Variants in RBFOX3 observed in about 807,000 individuals in gnomAD.
RBFOX3 encodes the protein RNA binding protein fox-1 homolog 3.
RBFOX3 carries 17 observed loss-of-function variants against 48.7 expected under a neutral mutation model. That is an observed-to-expected ratio of 0.35 (90% confidence interval 0.24 to 0.52). The LOEUF is 0.52. Among genes scored for constraint, RBFOX3 ranks in the 20% least tolerant of loss-of-function variants. The probability of loss-of-function intolerance (pLI) is 0.94; values close to 1 mark genes in which losing one functional copy is unlikely to be tolerated. For synonymous variants in RBFOX3, 212 were observed against 209.5 expected (o/e 1.01, Z -0.10); for missense variants, 382 against 497.5 (o/e 0.77, Z 2.21).
chr17:79,234,067 C>CA (rs2061351899), intron 4 of RBFOX3: 2 of 152,426 alleles, frequency 1.3e-5, no homozygotes, highest in Admixed American at 1.3e-4. Context: ...GTGAGGCCAA[C>CA]ACCCGGCGGC....
chr17:79,371,483 A>C (rs1178098774), intron 2 of RBFOX3, among the ~76,000 whole-genome samples: 2 of 151,830 alleles, frequency 1.3e-5, no homozygotes, highest in Non-Finnish European at 2.9e-5. Context: ...GGCTCCATAG[A>C]CCCCATGCAG....
chr17:79,489,164 C>T (rs890311539), intron 1 of RBFOX3, among the ~76,000 whole-genome samples: 46 of 151,316 alleles, frequency 3.0e-4, no homozygotes, highest in Middle Eastern at 3.4e-3. Context: ...TTACTTTTCT[C>T]CCCAAACTAC....
intron 4 of RBFOX3, among the ~76,000 whole-genome samples, chr17:79,218,749 C>T (rs1241224906): frequency 6.6e-6 from 1 of 152,060 alleles, no homozygotes; most frequent in African/African-American, 2.4e-5. Flanking sequence ...CTGAGGCTGG[C>T]CTTGAAGAAT....
At chr17:79,564,753 G>A (rs1056130427) in intron 1 of RBFOX3, among the ~76,000 whole-genome samples, 1 of 152,180 alleles carries the variant, frequency 6.6e-6, no homozygotes, top group Non-Finnish European at 1.5e-5. Flanking sequence ...TGAAGTGTGT[G>A]GTTGTGGTAG....
intron 3 of RBFOX3, among the ~76,000 whole-genome samples, chr17:79,307,004 G>C (rs559516740): frequency 1.3e-5 from 2 of 152,234 alleles, no homozygotes; most frequent in Admixed American, 6.5e-5. Context: ...TTTCTCTCTT[G>C]GCACTCGGAG....
intron 4 of RBFOX3, among the ~76,000 whole-genome samples, chr17:79,193,245 C>CG (rs1438686433): frequency 6.6e-6 from 1 of 152,082 alleles, no homozygotes; most frequent in Non-Finnish European, 1.5e-5. Context: ...AGATTACGCT[C>CG]GGAAGCCGGG....
chr17:79,493,910 G>C (rs2081067244), intron 1 of RBFOX3, among the ~76,000 whole-genome samples: 1 of 152,136 alleles, frequency 6.6e-6, no homozygotes, highest in Non-Finnish European at 1.5e-5. Flanking sequence ...ACATAGCTGG[G>C]CTGGGGGAGG....
upstream of RBFOX3, among the ~76,000 whole-genome samples, chr17:79,612,226 C>T (rs2093974630): frequency 6.6e-6 from 1 of 152,214 alleles, no homozygotes; most frequent in African/African-American, 2.4e-5. Flanking sequence ...CGAGCCTGCA[C>T]CATCGAAGGA....
chr17:79,187,354 C>T (rs942014641), intron 4 of RBFOX3, among the ~76,000 whole-genome samples: 3 of 152,192 alleles, frequency 2.0e-5, no homozygotes, highest in Non-Finnish European at 2.9e-5. Context: ...TCCCCTGCGC[C>T]GTGAGGACAG....
Position 79,535,471 on chromosome 17 carries a change from C to T in RBFOX3, c.-319-52873G>A, listed in dbSNP as rs1476259377. ...AAGGGGACAGCGGCCTCCAATCTCC[C>T]GATTCCTTTACTCTCCCCTGTTACC... On this transcript the variant is annotated intron_variant, in intron 1 of 14. Coordinates refer to ENST00000693108, the MANE Select transcript of RBFOX3 (RefSeq NM_001350451.2). The surrounding 1 kb of genome is among the most constrained non-coding windows in gnomAD (Gnocchi z 4.5). 2.0e-5 allele frequency among the ~76,000 whole-genome samples: 3 copies of T among 152,258 alleles called. No homozygotes were observed. Among genetic ancestry groups the T allele is most frequent in the South Asian group, 2.1e-4 (1 of 4,826 alleles).
chr17:79,255,188 A>G (rs1329894309), intron 3 of RBFOX3, among the ~76,000 whole-genome samples: 1 of 151,120 alleles, frequency 6.6e-6, no homozygotes, highest in Non-Finnish European at 1.5e-5. Flanking sequence ...AGGACAGAGA[A>G]TGGGAGCTGA....
chr17:79,580,428 C>T (rs2093019644), intron 1 of RBFOX3, among the ~76,000 whole-genome samples: 1 of 152,088 alleles, frequency 6.6e-6, no homozygotes, highest in African/African-American at 2.4e-5. Context: ...CCCAGCCAGA[C>T]AGGCAACCCC....
At chr17:79,223,755 C>T (rs552507544) in intron 4 of RBFOX3, among the ~76,000 whole-genome samples, 1 of 152,192 alleles carries the variant, frequency 6.6e-6, no homozygotes, top group Non-Finnish European at 1.5e-5. Flanking sequence ...GGGCAGCTGT[C>T]CTGGGCCGTC....
At chr17:79,466,074 T>A (rs566916225) in intron 2 of RBFOX3, among the ~76,000 whole-genome samples, 3 of 152,290 alleles carry the variant, frequency 2.0e-5, no homozygotes, top group Admixed American at 6.5e-5. Context: ...AAAGTGCATG[T>A]GTGGAGACAC....
Position 79,513,648 on chromosome 17 carries a change from G to A in RBFOX3, c.-319-31050C>T, listed in dbSNP as rs1041546150. On this transcript the variant is annotated intron_variant, in intron 1 of 14. Transcript: ENST00000693108. ...CACAGCTCTGCCTCTTACCAGCCAC[G>A]TGGCCTCGGGCAGGCTGCATGATCT... 2.0e-4 allele frequency among the ~76,000 whole-genome samples: 30 copies of A among 152,328 alleles called. No individual in the cohort carries two copies. The East Asian group carries it at 2.3e-3, about 12-fold the overall frequency.
At chr17:79,597,431 AAAC>A (rs1431336343) in intron 1 of RBFOX3, among the ~76,000 whole-genome samples, 2 of 152,152 alleles carry the variant, frequency 1.3e-5, no homozygotes, top group Admixed American at 6.5e-5. Context: ...GCACAGGGGA[AAAC>A]AACAAGAGCC....
intron 2 of RBFOX3, among the ~76,000 whole-genome samples, chr17:79,461,381 C>T (rs2075347141): frequency 6.6e-6 from 1 of 152,220 alleles, no homozygotes. Context: ...GTCTTCCATT[C>T]TCCCTGGGAC....
chr17:79,163,572 G>A (rs1450997403), intron 4 of RBFOX3, among the ~76,000 whole-genome samples: 1 of 152,256 alleles, frequency 6.6e-6, no homozygotes, highest in Non-Finnish European at 1.5e-5. Flanking sequence ...CTGGAGGGCA[G>A]GATGGGAACC....
intron 2 of RBFOX3, among the ~76,000 whole-genome samples, chr17:79,338,232 C>A (rs2081504342): frequency 6.6e-6 from 1 of 152,150 alleles, no homozygotes; most frequent in African/African-American, 2.4e-5. Flanking sequence ...AGCCACCGCG[C>A]CTGGCCTTCT....
Sources: gnomAD v4.1 joint callset for allele counts (sites outside exome capture counted in the v4.1 genomes callset) on GRCh38, gnomAD v4.1.1 for gene constraint, Gnocchi (gnomAD v3.1) non-coding constraint, MANE v1.5 for transcripts, NCBI Gene and HGNC (gene_info 2026-07-23, HGNC 2026-07-21) for gene names.